USP25: variants seen among roughly 807,000 people sequenced by gnomAD.
USP25 encodes the protein ubiquitin carboxyl-terminal hydrolase 25.
In USP25, 85 loss-of-function variants were observed where a neutral mutation model predicts 158.5. The observed-to-expected ratio is 0.54, with a 90% CI of 0.45 to 0.64. The LOEUF (loss-of-function observed/expected upper bound fraction) is 0.64. Ranked by LOEUF, USP25 falls within the 30% of genes least tolerant of loss-of-function variation. The probability of loss-of-function intolerance (pLI) is 0.00; values close to 1 mark genes in which losing one functional copy is unlikely to be tolerated. For missense variants in USP25, 1,242 were observed against 1,327.3 expected, an observed-to-expected ratio of 0.94 and a Z score of 1.00; for synonymous variants, 464 against 460.4, an observed-to-expected ratio of 1.01 and a Z score of -0.10.
Position 15,872,475 on chromosome 21 carries a change from G to A in USP25, c.2886-1928G>A, listed in dbSNP as rs532457414. Among the ~76,000 whole-genome samples, 3 of 152,236 alleles carry A rather than the reference G, an allele frequency of 2.0e-5. No individual in the cohort carries two copies. The South Asian group carries it at 6.2e-4, about 32-fold the overall frequency. On this transcript the variant is annotated intron_variant, in intron 23 of 25. Coordinates refer to ENST00000400183, the MANE Select transcript of USP25 (RefSeq NM_001283041.3). ...CATTCAGGAGAGATCTTCTTAACAGGAAACTCAGTAGCTATAAAGGAAAAG... is the reference window on the plus strand; with the variant it reads ...CATTCAGGAGAGATCTTCTTAACAGAAAACTCAGTAGCTATAAAGGAAAAG...
At chr21:15,743,594 A>G (rs963455991) in intron 1 of USP25, among the ~76,000 whole-genome samples, 4 of 152,204 alleles carry the variant, frequency 2.6e-5, no homozygotes, top group African/African-American at 9.6e-5. Flanking sequence ...GTTTAAAAGC[A>G]TTATTCGGAA....
At chr21:15,746,245 G>C (rs1441860014) in intron 1 of USP25, among the ~76,000 whole-genome samples, 1 of 152,118 alleles carries the variant, frequency 6.6e-6, no homozygotes, top group African/African-American at 2.4e-5. Flanking sequence ...TTTCTGAGTA[G>C]GATTGTGTTG....
Position 15,846,106 on chromosome 21 carries a change from A to G in USP25, c.2338-1557A>G, listed in dbSNP as rs537005542. Among the ~76,000 whole-genome samples the G allele has an allele frequency of 2.3e-3, 262 of 115,632 alleles. 3 individuals carry two copies. Among genetic ancestry groups the G allele is most frequent in the African/African-American group, 7.5e-3 (219 of 29,048 alleles). The allele number at this position is 115,632 out of a possible 152,430, so 75.9% of individuals were successfully genotyped here. A position where few individuals can be genotyped will look rare whatever the true frequency, so the allele number is the denominator to read the frequency against. On this transcript the variant is annotated intron_variant, in intron 18 of 25. Coordinates refer to ENST00000400183, the MANE Select transcript of USP25 (RefSeq NM_001283041.3). ...AAGGATAAGTTGTGGATTTTGATAT[A>G]TGTGTGTGTGTGTGTGTATATATAT... is the stretch of plus-strand genomic sequence containing the variant.
intron 8 of USP25, among the ~76,000 whole-genome samples, 175 bp downstream of exon 8, chr21:15,809,060 T>A (rs545039445): frequency 6.6e-6 from 1 of 152,258 alleles, no homozygotes; most frequent in Admixed American, 6.5e-5. Context: ...ACCAAAAAAA[T>A]CTAAAAAGTG....
At chr21:15,745,704 G>A (rs1349634712) in intron 1 of USP25, among the ~76,000 whole-genome samples, 1 of 151,990 alleles carries the variant, frequency 6.6e-6, no homozygotes, top group East Asian at 1.9e-4. Context: ...TCGAACTCGC[G>A]ACCTCAGGTG....
intron 1 of USP25, 65 bp from the exon 2 acceptor site, chr21:15,762,826 T>A (rs2033811396): frequency 4.1e-6 from 6 of 1,454,178 alleles, no homozygotes; most frequent in Non-Finnish European, 4.7e-6. Flanking sequence ...AGGTGATTTG[T>A]TTTCTTTTCC....
At chr21:15,773,242 G>C (rs2823485) in intron 3 of USP25, 3 of 152,226 alleles carry the variant, frequency 2.0e-5, no homozygotes, top group East Asian at 1.9e-4. Flanking sequence ...TAATATGGTC[G>C]TTCTAGCCAC....
chr21:15,764,488 A>G (rs983038081), intron 2 of USP25, among the ~76,000 whole-genome samples: 1 of 152,108 alleles, frequency 6.6e-6, no homozygotes, highest in Non-Finnish European at 1.5e-5. Context: ...GTTGCCCATT[A>G]TAAATACTGA....
intron 17 of USP25, among the ~76,000 whole-genome samples, chr21:15,841,004 A>G (rs1028492176): frequency 3.3e-5 from 5 of 152,200 alleles, no homozygotes; most frequent in African/African-American, 9.6e-5. Context: ...GATTTTCTTT[A>G]TCTATTACTC....
chr21:15,809,223 T>C (rs954849281), intron 8 of USP25, among the ~76,000 whole-genome samples: 4 of 152,168 alleles, frequency 2.6e-5, no homozygotes, highest in African/African-American at 9.7e-5. Flanking sequence ...GACAGGGATA[T>C]GAAGTAGCAG....
chr21:15,873,823 T>C lies in USP25; in HGVS notation c.2886-580T>C, dbSNP rs561591405. Among the ~76,000 whole-genome samples the C allele has an allele frequency of 2.6e-5, 4 of 152,278 alleles. No individual in the cohort carries two copies. The South Asian group carries it at 8.3e-4, about 32-fold the overall frequency. ...CAGCTTTTTTATGTTTGCAGGCTTT[T>C]TGTTTTTGCTTTATTCCACTAGGTT... is the stretch of plus-strand genomic sequence containing the variant. On this transcript the variant is annotated intron_variant, in intron 23 of 25. Coordinates refer to ENST00000400183, the MANE Select transcript of USP25 (RefSeq NM_001283041.3).
chr21:15,813,019 C>G (rs1005258858), intron 9 of USP25, among the ~76,000 whole-genome samples: 3 of 151,522 alleles, frequency 2.0e-5, no homozygotes, highest in African/African-American at 7.3e-5. Flanking sequence ...CTCTTTCCCC[C>G]CTTCCCTTCT....
intron 14 of USP25, among the ~76,000 whole-genome samples, chr21:15,827,731 C>T (rs1470320906): frequency 1.3e-5 from 2 of 149,776 alleles, no homozygotes; most frequent in African/African-American, 4.9e-5. Context: ...AAGGACAGTG[C>T]TCTGGGTGGG....
chr21:15,775,830 C>G (rs2034623916), intron 3 of USP25, among the ~76,000 whole-genome samples: 1 of 145,422 alleles, frequency 6.9e-6, no homozygotes, highest in South Asian at 2.2e-4. Flanking sequence ...CATCCAAAAC[C>G]CTAACTGCCA....
intron 4 of USP25, among the ~76,000 whole-genome samples, chr21:15,789,843 TAA>T (rs538359833): frequency 6.6e-6 from 1 of 152,084 alleles, no homozygotes; most frequent in Non-Finnish European, 1.5e-5. Flanking sequence ...TAAAAGTCAA[TAA>T]AAAGTTAAAT....
intron 3 of USP25, among the ~76,000 whole-genome samples, chr21:15,775,461 G>A (rs926069406): frequency 3.3e-5 from 5 of 152,170 alleles, no homozygotes; most frequent in Admixed American, 6.5e-5. Context: ...GACCAGTCAG[G>A]GAAGCGGCTA....
chr21:15,861,779 A>C (rs551053573), intron 20 of USP25, among the ~76,000 whole-genome samples: 1 of 152,254 alleles, frequency 6.6e-6, no homozygotes, highest in East Asian at 1.9e-4. Flanking sequence ...AAGTGTATAA[A>C]AAATAGTTAA....
At position 15,778,017 on chromosome 21, in the gene USP25, G is replaced by A. The variant is rs756295785; in HGVS notation, c.382G>A (p.Ala128Thr). 2 of 1,599,210 alleles carry A rather than the reference G, an allele frequency of 1.3e-6. No homozygotes were observed. Among genetic ancestry groups the A allele is most frequent in the Admixed American group, 3.6e-5 (2 of 55,644 alleles). Residue 128 changes from alanine to threonine, a missense_variant, in exon 4 of 26, where the codon GCC becomes ACC. Physicochemically the swap from Ala to Thr is moderately conservative, Grantham distance 58. This residue lies in a region of USP25 where 627 missense variants were observed against 701.4 expected (regional missense o/e 0.89). Transcript: ENST00000400183. ...RETGITDEEQ[A>T]ISRVLEASIA... ...GACTGGAATAACTGATGAGGAACAA[G>A]CCATTAGCAGGTAAAAACATAATTT...
chr21:15,855,731 AGT>A (rs2039103056), intron 20 of USP25, among the ~76,000 whole-genome samples: 3 of 152,298 alleles, frequency 2.0e-5, no homozygotes, highest in African/African-American at 7.2e-5. Flanking sequence ...GGGTTATCAC[AGT>A]GTGTGTTTAC....
Sources: allele counts gnomAD v4.1 joint callset (sites outside exome capture counted in the v4.1 genomes callset), GRCh38; gene constraint gnomAD v4.1.1; regional missense constraint gnomAD v4.1.1; transcripts MANE v1.5; gene names NCBI Gene and HGNC (gene_info 2026-07-23, HGNC 2026-07-21).